Variants in ICE2 observed in about 807,000 individuals in gnomAD.
ICE2 encodes interactor of little elongation complex ELL subunit 2, also known as little elongation complex subunit 2.
ICE2 carries 87 observed loss-of-function variants against 105.4 expected under a neutral mutation model. The observed-to-expected ratio is 0.83, with a 90% CI of 0.69 to 0.99. ICE2 has a LOEUF of 0.99. Ranked by LOEUF, ICE2 falls within the 50% of genes least tolerant of loss-of-function variation. The pLI, the probability that ICE2 is intolerant of heterozygous loss-of-function variation, is 0.00. For synonymous variants in ICE2, 399 were observed against 392.0 expected (o/e 1.02, Z -0.21); for missense variants, 1,323 against 1,146.7 (o/e 1.15, Z -2.22).
At chr15:60,432,550 A>T (rs1258115359) in intron 13 of ICE2, among the ~76,000 whole-genome samples, 1 of 151,856 alleles carries the variant, frequency 6.6e-6, no homozygotes, top group Non-Finnish European at 1.5e-5. Flanking sequence ...TTTGTGAGTC[A>T]GAGCAGTTGT....
Position 60,467,890 on chromosome 15 carries a change from G to C in ICE2, c.408+171C>G, listed in dbSNP as rs1018519006. On this transcript the variant is annotated intron_variant, in intron 4 of 15. Transcript: ENST00000261520. ...TGCTCAGAAGTAGAGCAAAATGCTT[G>C]AACTACAATGGAACCAACAAAAGAA... is the stretch of plus-strand genomic sequence containing the variant. Among the ~76,000 whole-genome samples the C allele has an allele frequency of 3.3e-5, 5 of 152,066 alleles. No individual in the cohort carries two copies. In the East Asian group the frequency reaches 9.6e-4, roughly 29 times the overall value.
At chr15:60,456,202 A>G (rs1595791369) in intron 6 of ICE2, among the ~76,000 whole-genome samples, 1 of 147,286 alleles carries the variant, frequency 6.8e-6, no homozygotes, top group Admixed American at 7.0e-5. Flanking sequence ...TTGGTATTAC[A>G]TATTTTAAAA....
chr15:60,448,874 G>A lies in ICE2; in HGVS notation c.2093C>T (p.Pro698Leu), dbSNP rs1205928168. 1.3e-6 allele frequency: 2 copies of A among 1,597,466 alleles called. No individual in the cohort carries two copies. The highest frequency in any genetic ancestry group is 1.7e-6 in the Non-Finnish European group (2 of 1,174,764). Residue 698 changes from proline to leucine, a missense_variant, in exon 10 of 16, where the codon CCT becomes CTT. Transcript: ENST00000261520. ...DSSSWPKSGWPSAFQKPKGRL... is the reference protein window; with the variant it reads ...DSSSWPKSGWLSAFQKPKGRL... Reference sequence around the variant, plus strand: ...TCCTTTTGGCTTCTGAAATGCAGAAGGCCATCCAGATTTCGGCCAACTAGA... The same window carrying A: ...TCCTTTTGGCTTCTGAAATGCAGAAAGCCATCCAGATTTCGGCCAACTAGA...
At chr15:60,462,153 A>G (rs544823807) in intron 5 of ICE2, among the ~76,000 whole-genome samples, 3 of 152,362 alleles carry the variant, frequency 2.0e-5, no homozygotes, top group African/African-American at 7.2e-5. Context: ...GAAACCAAAT[A>G]GTAAGTAAGG....
At chr15:60,465,728 T>C (rs1437383877) in intron 5 of ICE2, among the ~76,000 whole-genome samples, 2 of 151,456 alleles carry the variant, frequency 1.3e-5, no homozygotes, top group Admixed American at 1.3e-4. Flanking sequence ...ATATAGTTAT[T>C]ATTTAAGTAG....
chr15:60,478,756 G>C (rs932949805), intron 1 of ICE2: 5 of 353,654 alleles, frequency 1.4e-5, no homozygotes, highest in East Asian at 7.9e-5. Flanking sequence ...GTGGAGCTGG[G>C]GGGGAATAGT....
intron 9 of ICE2, chr15:60,451,392 C>T: frequency 1.1e-6 from 1 of 948,938 alleles, no homozygotes; most frequent in Non-Finnish European, 1.3e-6. Flanking sequence ...CTGATAAAGT[C>T]TTATTCTATG....
At chr15:60,478,104 G>A in intron 1 of ICE2, 35 bp from the exon 2 acceptor site, 1 of 832,858 alleles carries the variant, frequency 1.2e-6, no homozygotes, top group Non-Finnish European at 2.0e-6. Context: ...TCAAAAGCAA[G>A]TGATTGGCTA....
intron 2 of ICE2, among the ~76,000 whole-genome samples, chr15:60,476,940 C>T (rs2064778569): frequency 6.6e-6 from 1 of 152,212 alleles, no homozygotes; most frequent in Admixed American, 6.5e-5. Flanking sequence ...ACAAGAGCAT[C>T]TGTGCTACAT....
intron 8 of ICE2, 123 bp downstream of exon 8, chr15:60,454,880 G>A (rs1003407093): frequency 4.3e-5 from 35 of 818,754 alleles, no homozygotes; most frequent in Admixed American, 1.3e-4. Context: ...GACAGGCCCC[G>A]GTGTGTGTTG....
At chr15:60,435,075 G>A (rs1368433121) in intron 13 of ICE2, among the ~76,000 whole-genome samples, 1 of 151,970 alleles carries the variant, frequency 6.6e-6, no homozygotes, top group African/African-American at 2.4e-5. Flanking sequence ...GAGGTCAGGA[G>A]ATGAGACCAT....
At chr15:60,450,312 T>G (rs1434068939) in intron 9 of ICE2, among the ~76,000 whole-genome samples, 2 of 152,184 alleles carry the variant, frequency 1.3e-5, no homozygotes, top group Non-Finnish European at 2.9e-5. Context: ...CAGCTTCTGG[T>G]GCACCCTTAA....
Position 60,431,989 on chromosome 15 carries a change from TAAAC to T in ICE2, c.2511-9_2511-6del, listed in dbSNP as rs556247171. The stretch of plus-strand genomic sequence containing the variant: ...ATGTTAAATAAATTGGAAATCCTGA[TAAAC>T]AAAAGAAATTCATGTAAAATTAAAC... On this transcript the variant is annotated splice_region_variant and splice_polypyrimidine_tract_variant and intron_variant, in intron 13 of 15. Transcript: ENST00000261520. 1.1e-5 allele frequency: 15 copies of T among 1,386,858 alleles called. No individual in the cohort carries two copies. Among genetic ancestry groups the T allele is most frequent in the Non-Finnish European group, 1.4e-5 (14 of 990,888 alleles). The allele number at this position is 1,386,858 out of a possible 1,614,324, so 85.9% of individuals were successfully genotyped here. A position where few individuals can be genotyped will look rare whatever the true frequency, so the allele number is the denominator to read the frequency against.
At chr15:60,478,253 C>T (rs1223459648) in intron 1 of ICE2, among the ~76,000 whole-genome samples, 184 bp from the exon 2 acceptor site, 1 of 152,200 alleles carries the variant, frequency 6.6e-6, no homozygotes, top group Non-Finnish European at 1.5e-5. Flanking sequence ...AGCCCTTTTC[C>T]ATTTAATCTA....
At chr15:60,466,517 T>A (rs146624199) in intron 5 of ICE2, 77 bp downstream of exon 5, 2 of 1,530,656 alleles carry the variant, frequency 1.3e-6, no homozygotes, top group Non-Finnish European at 1.8e-6. Flanking sequence ...ATGCTTTTGG[T>A]GGAATCATCA....
chr15:60,465,213 ACAGGGT>A, intron 5 of ICE2, among the ~76,000 whole-genome samples: 1 of 151,828 alleles, frequency 6.6e-6, no homozygotes, highest in South Asian at 2.1e-4. Context: ...TTTTTCTGAG[ACAGGGT>A]CACGTTCTGT....
In ICE2 at chr15:60,476,221, C is replaced by G; in HGVS notation, c.42-54G>C. 2.7e-6 allele frequency: 3 copies of G among 1,115,674 alleles called. No homozygotes were observed. In the South Asian group the frequency reaches 4.0e-5, roughly 15 times the overall value. The allele number at this position is 1,115,674 out of a possible 1,614,324, so 69.1% of individuals were successfully genotyped here. On this transcript the variant is annotated intron_variant, in intron 2 of 15. Coordinates refer to ENST00000261520, the MANE Select transcript of ICE2 (RefSeq NM_024611.6). ...TGACAATTCAAAATCTCATGCTAGA[C>G]TATGACACATAATGGCACAATTGTA...
chr15:60,436,639 C>A (rs940143503), intron 12 of ICE2, among the ~76,000 whole-genome samples: 1 of 146,110 alleles, frequency 6.8e-6, no homozygotes, highest in African/African-American at 2.5e-5. Flanking sequence ...GGCGTTAACC[C>A]GGGAGGCAGA....
At chr15:60,442,743 G>A (rs151156883) in intron 11 of ICE2, 198 bp from the exon 12 acceptor site, 3 of 433,548 alleles carry the variant, frequency 6.9e-6, no homozygotes, top group African/African-American at 4.1e-5. Flanking sequence ...CCAAAAGGTG[G>A]ATGGATGAAA....
Sources: allele counts gnomAD v4.1 joint callset (sites outside exome capture counted in the v4.1 genomes callset), GRCh38; gene constraint gnomAD v4.1.1; transcripts MANE v1.5; gene names NCBI Gene and HGNC (gene_info 2026-07-23, HGNC 2026-07-21).